XKR4: variants seen among roughly 807,000 people sequenced by gnomAD.
XKR4 encodes XK-related protein 4.
Under a neutral mutation model 53.9 loss-of-function variants are expected in XKR4, and 12 were observed. The ratio of observed to expected loss-of-function variants is 0.22; its 90% CI spans 0.14 to 0.36. XKR4 has a LOEUF of 0.36. Among genes scored for constraint, XKR4 ranks in the 10% least tolerant of loss-of-function variants. XKR4 has a pLI of 1.00. For missense variants in XKR4, 799 were observed against 859.5 expected, an observed-to-expected ratio of 0.93 and a Z score of 0.88; for synonymous variants, 354 against 362.4, an observed-to-expected ratio of 0.98 and a Z score of 0.26.
chr8:55,164,059 A>G (rs894870364), intron 1 of XKR4: 3 of 363,448 alleles, frequency 8.3e-6, no homozygotes, highest in Non-Finnish European at 1.6e-5. Flanking sequence ...CTGTTTCAGG[A>G]GGCTCCTTTG....
At chr8:55,204,801 CT>C (rs1476868018) in intron 1 of XKR4, among the ~76,000 whole-genome samples, 3 of 152,126 alleles carry the variant, frequency 2.0e-5, no homozygotes, top group Non-Finnish European at 4.4e-5. Context: ...ATTTTCTATA[CT>C]TTTTTTAGTT....
intron 2 of XKR4, among the ~76,000 whole-genome samples, chr8:55,386,571 C>T (rs1305844915): frequency 6.6e-6 from 1 of 152,192 alleles, no homozygotes; most frequent in African/African-American, 2.4e-5. Flanking sequence ...TAAAGTTCTA[C>T]CCAGTATTGC....
chr8:55,206,583 A>G (rs1239376951), intron 1 of XKR4, among the ~76,000 whole-genome samples: 1 of 152,238 alleles, frequency 6.6e-6, no homozygotes, highest in East Asian at 1.9e-4. Context: ...CAGAGATGAA[A>G]AAAAATAAAC....
intron 2 of XKR4, among the ~76,000 whole-genome samples, chr8:55,432,295 T>C (rs759287630): frequency 6.6e-6 from 1 of 152,234 alleles, no homozygotes; most frequent in Non-Finnish European, 1.5e-5. Context: ...CCTCTCTGCA[T>C]TTGTCTCCTT....
At chr8:55,462,013 G>A (rs1331375819) in intron 2 of XKR4, among the ~76,000 whole-genome samples, 1 of 152,244 alleles carries the variant, frequency 6.6e-6, no homozygotes, top group African/African-American at 2.4e-5. Context: ...GTACCTGAAA[G>A]TGACGGGGAG....
intron 1 of XKR4, among the ~76,000 whole-genome samples, chr8:55,177,247 G>A (rs1349627560): frequency 6.6e-6 from 1 of 152,054 alleles, no homozygotes; most frequent in African/African-American, 2.4e-5. Context: ...ATGTTGGCCA[G>A]GCTGGTCTCA....
At chr8:55,411,977 T>G (rs1168481323) in intron 2 of XKR4, among the ~76,000 whole-genome samples, 1 of 152,206 alleles carries the variant, frequency 6.6e-6, no homozygotes, top group African/African-American at 2.4e-5. Flanking sequence ...CCCAAAATCA[T>G]GTATGGAAAC....
intron 1 of XKR4, among the ~76,000 whole-genome samples, chr8:55,166,591 A>T (rs1817068917): frequency 6.6e-6 from 1 of 152,214 alleles, no homozygotes; most frequent in Admixed American, 6.5e-5. Context: ...TATGATGATG[A>T]TATGCACTCT....
chr8:55,436,638 T>C (rs1805180919), intron 2 of XKR4, among the ~76,000 whole-genome samples: 1 of 152,184 alleles, frequency 6.6e-6, no homozygotes, highest in South Asian at 2.1e-4. Flanking sequence ...AGACTGACAA[T>C]TTATTGTGAA....
chr8:55,253,120 T>G (rs1000215658), intron 1 of XKR4, among the ~76,000 whole-genome samples: 4 of 152,174 alleles, frequency 2.6e-5, no homozygotes, highest in Non-Finnish European at 5.9e-5. Flanking sequence ...GAGTTTTGTA[T>G]GTAGAAACAG....
At chr8:55,449,181 T>TTTATTTA (rs543803240) in intron 2 of XKR4, among the ~76,000 whole-genome samples, 1 of 150,126 alleles carries the variant, frequency 6.7e-6, no homozygotes, top group East Asian at 2.0e-4. Context: ...TATTTATTTA[T>TTTATTTA]TTTATTTTGC....
At chr8:55,119,995 A>G (rs1222081733) in intron 1 of XKR4, among the ~76,000 whole-genome samples, 1 of 152,206 alleles carries the variant, frequency 6.6e-6, no homozygotes, top group Non-Finnish European at 1.5e-5. Flanking sequence ...AATACAGTAT[A>G]GTGGATAATT....
At chr8:55,150,580 A>G (rs1046212954) in intron 1 of XKR4, among the ~76,000 whole-genome samples, 16 of 152,140 alleles carry the variant, frequency 1.1e-4, no homozygotes, top group African/African-American at 3.4e-4. Context: ...TCTGCTCCCT[A>G]TAACTGCACC....
chr8:55,428,763 G>A (rs143512928), intron 2 of XKR4, among the ~76,000 whole-genome samples: 2 of 152,252 alleles, frequency 1.3e-5, no homozygotes, highest in Admixed American at 6.5e-5. Context: ...AAGCACTGAC[G>A]AAAGAAAGTG....
chr8:55,258,092 G>A (rs951026788), intron 1 of XKR4, among the ~76,000 whole-genome samples: 1 of 152,194 alleles, frequency 6.6e-6, no homozygotes, highest in Admixed American at 6.5e-5. Context: ...GAAAAAAACA[G>A]GGTACCTATG....
intron 1 of XKR4, among the ~76,000 whole-genome samples, chr8:55,219,738 A>G (rs922612213): frequency 4.6e-5 from 7 of 152,154 alleles, no homozygotes. Context: ...AATGTAAGCT[A>G]TTGTATAGAT....
rs1816059116 is a variant in XKR4 at position 55,102,512 on chromosome 8, G to T, written c.24G>T (p.Arg8Ser). Residue 8 changes from arginine (R) to serine (S), a missense_variant, in exon 1 of 3, where the codon AGG becomes AGT. Arg to Ser is a moderately radical substitution (Grantham distance 110). This residue lies in a region of XKR4 where 476 missense variants were observed against 505.4 expected (regional missense o/e 0.94). Transcript: ENST00000327381. The surrounding 1 kb of genome is among the most constrained non-coding windows in gnomAD (Gnocchi z 5.1). MAAKSDG[R>S]LKMKKSSDVA... ...TCATGGCCGCTAAATCAGACGGGAG[G>T]CTGAAAATGAAGAAAAGCAGCGACG... 2 of 1,548,380 alleles carry T rather than the reference G, an allele frequency of 1.3e-6. No homozygotes were observed. Among genetic ancestry groups the T allele is most frequent in the Admixed American group, 1.8e-5 (1 of 55,714 alleles).
chr8:55,448,015 A>G (rs1805371497), intron 2 of XKR4, among the ~76,000 whole-genome samples: 1 of 152,230 alleles, frequency 6.6e-6, no homozygotes, highest in Non-Finnish European at 1.5e-5. Flanking sequence ...AGATTGAGTC[A>G]GCCCCAGTTA....
chr8:55,495,721 G>A (rs770945614), intron 2 of XKR4, among the ~76,000 whole-genome samples: 2 of 152,228 alleles, frequency 1.3e-5, no homozygotes, highest in African/African-American at 2.4e-5. Context: ...CCACCCAGCT[G>A]CGAGAGGTTG....
Sources: gnomAD v4.1 joint callset for allele counts (sites outside exome capture counted in the v4.1 genomes callset) on GRCh38, gnomAD v4.1.1 for gene constraint, gnomAD v4.1.1 regional missense constraint, Gnocchi (gnomAD v3.1) non-coding constraint, MANE v1.5 for transcripts, NCBI Gene and HGNC (gene_info 2026-07-23, HGNC 2026-07-21) for gene names.